Variants in COG4 observed in about 807,000 individuals in gnomAD.
COG4 encodes the protein component of oligomeric golgi complex 4.
In COG4, 65 loss-of-function variants were observed where a neutral mutation model predicts 95.1. That is an observed-to-expected ratio of 0.68 (90% CI 0.56 to 0.84). The LOEUF (loss-of-function observed/expected upper bound fraction) is 0.84, where lower values mean the gene tolerates loss of function less well. COG4 is among the 40% of genes least tolerant of loss of function. The pLI is 0.00. For missense variants in COG4, 1,045 were observed against 989.1 expected, an observed-to-expected ratio of 1.06 and a Z score of -0.76; for synonymous variants, 421 against 374.8, an observed-to-expected ratio of 1.12 and a Z score of -1.42.
intron 12 of COG4, among the ~76,000 whole-genome samples, chr16:70,492,931 C>G (rs2151746553): frequency 1.3e-5 from 2 of 152,208 alleles, no homozygotes; most frequent in South Asian, 2.1e-4. Context: ...CCATTGCACC[C>G]CAGCTGGGGC....
intron 7 of COG4, chr16:70,508,690 T>C (rs1195346974): frequency 1.5e-5 from 10 of 661,074 alleles, no homozygotes; most frequent in Non-Finnish European, 2.5e-5. Flanking sequence ...TTAAAAGTCA[T>C]GCTAATGGTG....
rs367766027 is a variant in COG4 at position 70,481,765 on chromosome 16, C to T, written c.2105G>A (p.Arg702Gln). 2.0e-5 allele frequency: 33 copies of T among 1,612,076 alleles called. No homozygotes were observed. Among genetic ancestry groups the T allele is most frequent in the African/African-American group, 5.3e-5 (4 of 74,892 alleles). The change falls in exon 17 of 19, where the codon CGG (arginine) becomes CAG (glutamine). Residue 702 changes from arginine to glutamine, a missense_variant and splice_region_variant. Coordinates refer to ENST00000323786, the MANE Select transcript of COG4 (RefSeq NM_015386.3). ...EKVVLKSTFN[R>Q]LGGLQFDKEL... ...AGACCCATGACCCCTTTACCTTACC[C>T]GGTTAAAGGTGGATTTCAGCACCAC...
chr16:70,500,749 T>C (rs1476097992), intron 9 of COG4, among the ~76,000 whole-genome samples: 1 of 152,180 alleles, frequency 6.6e-6, no homozygotes, highest in African/African-American at 2.4e-5. Flanking sequence ...AGTGTCCTCA[T>C]CTGTAAAGTG....
At chr16:70,489,097 A>G (rs1181184202) in intron 13 of COG4, among the ~76,000 whole-genome samples, 1 of 152,176 alleles carries the variant, frequency 6.6e-6, no homozygotes, top group Non-Finnish European at 1.5e-5. Context: ...AATTTCCACT[A>G]TACTCTGCTT....
In COG4 at chr16:70,509,337, C is replaced by G; in HGVS notation, c.896G>C (p.Gly299Ala). Residue 299 changes from glycine (G) to alanine (A), a missense_variant, in exon 7 of 19, where the codon GGG (glycine) becomes GCG (alanine). Transcript: ENST00000323786. ...GATCAGGGTATAGAGTCTCCCTGGC[C>G]CATAATAGGTCTCCACTATTGGCTG... ...THQPIVETYYGPGRLYTLIKY... is the reference protein window; with the variant it reads ...THQPIVETYYAPGRLYTLIKY... 6.2e-7 allele frequency: 1 copy of G among 1,614,134 alleles called. No homozygotes were observed. The highest frequency in any genetic ancestry group is 8.5e-7 in the Non-Finnish European group (1 of 1,180,014).
intron 13 of COG4, among the ~76,000 whole-genome samples, chr16:70,485,338 G>A (rs952704421): frequency 6.6e-6 from 1 of 151,636 alleles, no homozygotes; most frequent in South Asian, 2.1e-4. Flanking sequence ...CGAGTAGCTG[G>A]GACTACAGGC....
intron 11 of COG4, 59 bp downstream of exon 11, chr16:70,497,162 C>T (rs1268890215): frequency 3.9e-6 from 6 of 1,530,564 alleles, no homozygotes; most frequent in African/African-American, 1.4e-5. Flanking sequence ...ACAAATGGGC[C>T]TCAGGAATCA....
chr16:70,494,600 A>C (rs2049303909), intron 12 of COG4, among the ~76,000 whole-genome samples: 1 of 152,220 alleles, frequency 6.6e-6, no homozygotes. Context: ...TTTTGGAGAC[A>C]TGTAGTCAAG....
At chr16:70,520,397 T>G (rs2049915762) in intron 1 of COG4, among the ~76,000 whole-genome samples, 2 of 87,466 alleles carry the variant, frequency 2.3e-5, no homozygotes, top group Non-Finnish European at 4.3e-5. Context: ...GGGCGGAGCT[T>G]GCAGTGAGCC....
intron 1 of COG4, among the ~76,000 whole-genome samples, chr16:70,521,980 A>G (rs925198695): frequency 6.8e-6 from 1 of 146,242 alleles, no homozygotes; most frequent in Non-Finnish European, 1.5e-5. Flanking sequence ...GGGTTACAGG[A>G]GTGAGCCACC....
At chr16:70,509,183 C>G (rs1343627701) in intron 7 of COG4, 48 bp downstream of exon 7, 1 of 1,610,728 alleles carries the variant, frequency 6.2e-7, no homozygotes, top group South Asian at 1.1e-5. Flanking sequence ...ACTCAGTGTT[C>G]CTCGCTAAAG....
intron 13 of COG4, among the ~76,000 whole-genome samples, chr16:70,485,918 C>T (rs1358075388): frequency 7.2e-5 from 10 of 138,852 alleles, no homozygotes; most frequent in African/African-American, 2.2e-4. Flanking sequence ...TCTTTTGAGA[C>T]GGAGTCTTGC....
chr16:70,485,124 C>T (rs2049100233), intron 13 of COG4, among the ~76,000 whole-genome samples: 1 of 151,602 alleles, frequency 6.6e-6, no homozygotes, highest in African/African-American at 2.4e-5. Flanking sequence ...AATCCTAGGA[C>T]TTTGTGAGGC....
chr16:70,509,062 A>C (rs2049641388), intron 7 of COG4, 169 bp downstream of exon 7: 4 of 802,364 alleles, frequency 5.0e-6, no homozygotes, highest in Non-Finnish European at 6.3e-6. Context: ...CAACACCTCA[A>C]GTCCAAAGTA....
At chr16:70,481,636 G>T (rs890679995) in intron 17 of COG4, 128 bp downstream of exon 17, 6 of 1,384,784 alleles carry the variant, frequency 4.3e-6, no homozygotes, top group Non-Finnish European at 6.1e-6. Flanking sequence ...GCCAGAGCAG[G>T]ACTGGACCCA....
At chr16:70,512,168 G>A in intron 5 of COG4, 71 bp downstream of exon 5, 1 of 1,392,914 alleles carries the variant, frequency 7.2e-7, no homozygotes, top group Non-Finnish European at 1.0e-6. Flanking sequence ...ACAGAAACTG[G>A]ATCCATCCAG....
rs188609856 is a variant in COG4 at position 70,486,053 on chromosome 16, G to A, written c.1711-2084C>T. 4.0e-5 allele frequency among the ~76,000 whole-genome samples: 6 copies of A among 151,362 alleles called. No individual in the cohort carries two copies. The East Asian group carries it at 7.8e-4, about 20-fold the overall frequency. ...TGGGACTACAGGCGCCCACCACCAC[G>A]CTCTGCTAATTTTTTGTATTTTTAG... On this transcript the variant is annotated intron_variant, in intron 13 of 18. Coordinates refer to ENST00000323786, the MANE Select transcript of COG4 (RefSeq NM_015386.3).
intron 17 of COG4, 131 bp downstream of exon 17, chr16:70,481,633 C>T: frequency 2.2e-6 from 3 of 1,386,944 alleles, no homozygotes; most frequent in South Asian, 1.2e-5. Flanking sequence ...GAAGCCAGAG[C>T]AGGACTGGAC....
At chr16:70,514,955 C>G (rs2049791558) in intron 3 of COG4, among the ~76,000 whole-genome samples, 1 of 151,842 alleles carries the variant, frequency 6.6e-6, no homozygotes, top group East Asian at 1.9e-4. Context: ...CTCAAGCTAT[C>G]CGCCTGCCTT....
Sources: gnomAD v4.1 joint callset for allele counts (sites outside exome capture counted in the v4.1 genomes callset) on GRCh38, gnomAD v4.1.1 for gene constraint, MANE v1.5 for transcripts, NCBI Gene and HGNC (gene_info 2026-07-23, HGNC 2026-07-21) for gene names.